The following SP100 variants were observed in gnomAD, a reference collection of about 807,000 sequenced individuals.
SP100 encodes the protein SP100 nuclear body protein, also known as nuclear autoantigen Sp-100.
Under a neutral mutation model 130.0 loss-of-function variants are expected in SP100, and 84 were observed. The ratio of observed to expected loss-of-function variants is 0.65; its 90% CI spans 0.54 to 0.77. The LOEUF is 0.77. Among genes scored for constraint, SP100 ranks in the 30% least tolerant of loss-of-function variants. The pLI, the probability that SP100 is intolerant of heterozygous loss-of-function variation, is 0.00. For synonymous variants in SP100, 331 were observed against 351.7 expected, an observed-to-expected ratio of 0.94 and a Z score of 0.66; for missense variants, 978 against 1,052.2, an observed-to-expected ratio of 0.93 and a Z score of 0.97.
intron 17 of SP100, among the ~76,000 whole-genome samples, chr2:230,486,032 A>G (rs1196519359): frequency 6.6e-6 from 1 of 151,476 alleles, no homozygotes; most frequent in East Asian, 1.9e-4. Context: ...CCATTCTCAC[A>G]CTGTTGTAAA....
intron 17 of SP100, among the ~76,000 whole-genome samples, chr2:230,485,012 C>T (rs1394345308): frequency 1.3e-5 from 2 of 152,132 alleles, no homozygotes; most frequent in African/African-American, 2.4e-5. Context: ...TCACTACAGC[C>T]TTGAACTCCT....
chr2:230,510,493 T>A (rs1167893759), intron 23 of SP100: 4 of 17,214 alleles, frequency 2.3e-4, no homozygotes, highest in Admixed American at 5.8e-4. Context: ...TTTTTTTTTT[T>A]TTTTTTTTTT....
At chr2:230,539,229 C>T (rs757368873) in intron 24 of SP100, 38 bp from the exon 25 acceptor site, 14 of 1,322,638 alleles carry the variant, frequency 1.1e-5, no homozygotes, top group Non-Finnish European at 1.5e-5. Context: ...GTCCAAGGGT[C>T]TCACTGATCC....
chr2:230,427,645 T>G lies in SP100; in HGVS notation c.107+9980T>G, dbSNP rs149014705. ...AGTACTTTTTTTCTTTCTTTTTTTC[T>G]TGTTGCCTTCCTTTGTGATTTGATC... On this transcript the variant is annotated intron_variant, in intron 2 of 28. Transcript: ENST00000340126. Among the ~76,000 whole-genome samples the G allele has an allele frequency of 9.1e-3, 1,388 of 152,324 alleles. 31 individuals carry two copies. The highest frequency in any genetic ancestry group is 0.031 in the Admixed American group (469 of 15,312).
intron 17 of SP100, among the ~76,000 whole-genome samples, chr2:230,480,769 T>C (rs949826414): frequency 1.3e-5 from 2 of 152,206 alleles, no homozygotes; most frequent in Non-Finnish European, 2.9e-5. Context: ...TGTCTGAGAA[T>C]GGCCTTCAGT....
At chr2:230,433,752 T>A (rs191493881) in intron 2 of SP100, among the ~76,000 whole-genome samples, 1 of 151,920 alleles carries the variant, frequency 6.6e-6, no homozygotes, top group East Asian at 1.9e-4. Flanking sequence ...CCTTTATTTT[T>A]GAATTTGCAA....
intron 24 of SP100, chr2:230,537,621 C>A (rs958493307): frequency 6.6e-6 from 1 of 152,184 alleles, no homozygotes; most frequent in African/African-American, 2.4e-5. Context: ...GTTATGACCT[C>A]CCAGCCCTTA....
intron 24 of SP100, among the ~76,000 whole-genome samples, chr2:230,512,276 CTTTTTTTTTTTTTT>C (rs34753799): frequency 5.3e-5 from 4 of 76,066 alleles, no homozygotes; most frequent in Admixed American, 1.9e-4. Flanking sequence ...ATTGAAATGC[CTTTTTTTTTTTTTT>C]TTTTTTTTTT....
chr2:230,479,425 ACCAC>A (rs2065727457), intron 17 of SP100, among the ~76,000 whole-genome samples: 1 of 152,116 alleles, frequency 6.6e-6, no homozygotes, highest in Non-Finnish European at 1.5e-5. Flanking sequence ...CTTTCTTTAT[ACCAC>A]TTCCATTTGC....
chr2:230,438,154 G>T (rs573612579), intron 2 of SP100, among the ~76,000 whole-genome samples: 1 of 151,978 alleles, frequency 6.6e-6, no homozygotes. Flanking sequence ...GATTCTCTTT[G>T]ATTCCAGTCA....
chr2:230,470,123 C>G (rs2065192834), intron 15 of SP100, 25 bp downstream of exon 15: 4 of 1,591,662 alleles, frequency 2.5e-6, no homozygotes, highest in Non-Finnish European at 3.4e-6. Flanking sequence ...GATGCCAAGA[C>G]TTGGCCTGCA....
chr2:230,462,764 T>C (rs1369769732), intron 10 of SP100: 2 of 466,078 alleles, frequency 4.3e-6, no homozygotes, highest in East Asian at 8.5e-5. Context: ...TTCATACCCA[T>C]ACATTGATTA....
chr2:230,511,281 G>T (rs564663412), intron 24 of SP100, 115 bp downstream of exon 24: 2 of 800,884 alleles, frequency 2.5e-6, no homozygotes, highest in East Asian at 2.5e-5. Flanking sequence ...GTATGTTGCT[G>T]TGTGTGATTA....
intron 17 of SP100, among the ~76,000 whole-genome samples, chr2:230,485,472 A>C (rs1678210): frequency 0.87 from 132,613 of 152,158 alleles, 58,389 homozygotes; most frequent in African/African-American, 0.97. Context: ...TTAAACAAAT[A>C]ATTTGGGTCT....
At chr2:230,431,982 T>G (rs11898168) in intron 2 of SP100, among the ~76,000 whole-genome samples, 95,137 of 151,944 alleles carry the variant, frequency 0.63, 30,810 homozygotes, top group Non-Finnish European at 0.7. Flanking sequence ...ATCATCACAA[T>G]CCAAGTGTAG....
At chr2:230,471,250 C>T (rs1453637658) in intron 15 of SP100, among the ~76,000 whole-genome samples, 1 of 152,060 alleles carries the variant, frequency 6.6e-6, no homozygotes, top group Non-Finnish European at 1.5e-5. Context: ...GGGCAATGGG[C>T]AGAAAAATGA....
chr2:230,473,387 T>C lies in SP100; in HGVS notation c.1493T>C (p.Val498Ala). ...CSCVMCFPKG[V>A]PRSQEARTES... ...TGTGTCATGTGTTTTCCAAAAGGTG[T>C]GCCAAGAAGCCAAGAAGCAAGGACT... The change falls in exon 16 of 29, where the codon GTG (valine) becomes GCG (alanine). Residue 498 changes from valine (V) to alanine (A), a missense_variant. Physicochemically the swap from Val to Ala is moderately conservative, Grantham distance 64. Coordinates refer to ENST00000340126, the MANE Select transcript of SP100 (RefSeq NM_001080391.2). 1 of 1,613,994 alleles carries C rather than the reference T, an allele frequency of 6.2e-7. No homozygotes were observed. Among genetic ancestry groups the C allele is most frequent in the East Asian group, 2.2e-5 (1 of 44,876 alleles).
At chr2:230,497,832 A>C (rs1359370403) in intron 18 of SP100, among the ~76,000 whole-genome samples, 1 of 152,056 alleles carries the variant, frequency 6.6e-6, no homozygotes, top group African/African-American at 2.4e-5. Flanking sequence ...CTTAGATCCT[A>C]ATTTTTTGGC....
chr2:230,449,481 G>A (rs2063864730), intron 6 of SP100, 80 bp from the exon 7 acceptor site: 1 of 1,491,572 alleles, frequency 6.7e-7, no homozygotes, highest in Non-Finnish European at 9.3e-7. Context: ...GTCCATCAGT[G>A]GCCCGTGCTG....
Sources: gnomAD v4.1 joint callset for allele counts (sites outside exome capture counted in the v4.1 genomes callset) on GRCh38, gnomAD v4.1.1 for gene constraint, MANE v1.5 for transcripts, NCBI Gene and HGNC (gene_info 2026-07-23, HGNC 2026-07-21) for gene names.